Variants in NFKBIL1 observed in about 807,000 individuals in gnomAD.
NFKBIL1 encodes the protein NF-kappa-B inhibitor-like protein 1.
In NFKBIL1, 30 loss-of-function variants were observed where a neutral mutation model predicts 45.4. That is an observed-to-expected ratio of 0.66 (90% CI 0.49 to 0.90). NFKBIL1 has a LOEUF of 0.90. Ranked by LOEUF, NFKBIL1 falls within the 40% of genes least tolerant of loss-of-function variation. The pLI is 0.00. For synonymous variants in NFKBIL1, 179 were observed against 197.3 expected, an observed-to-expected ratio of 0.91 and a Z score of 0.78; for missense variants, 434 against 513.4, an observed-to-expected ratio of 0.85 and a Z score of 1.49.
chr6:31,548,379 GC>G lies in NFKBIL1; in HGVS notation c.277del (p.His93ThrfsTer29). The G allele has an allele frequency of 6.4e-7, 1 of 1,566,682 alleles. No individual in the cohort carries two copies. On this transcript the variant is annotated frameshift_variant, in exon 2 of 4. Coordinates refer to ENST00000376148, the MANE Select transcript of NFKBIL1 (RefSeq NM_005007.4). LOFTEE classifies it high-confidence loss of function. Reference sequence around the variant, plus strand: ...GCTGCTTCGGCTCGGGGCTGACCCTGCCCACCAGGACCGCCATGGGGACACG... The same window carrying G: ...GCTGCTTCGGCTCGGGGCTGACCCTGCCACCAGGACCGCCATGGGGACACG... ...CLLLRLGADPAHQDRHGDTAL... is the reference protein window; with the variant it reads ...CLLLRLGADPXHQDRHGDTAL...
At position 31,558,003 on chromosome 6, in the gene NFKBIL1, AT is replaced by A; in HGVS notation, c.557-18del. On this transcript the variant is annotated intron_variant, in intron 3 of 3. Coordinates refer to ENST00000376148, the MANE Select transcript of NFKBIL1 (RefSeq NM_005007.4). This position sits in a 1 kb window ranked among gnomAD's most constrained non-coding sequence, Gnocchi z 7.2. ...TCACAGCCTCTCTCCAACTACCCCC[AT>A]CCCACCCTCCCAAACAGGTGATGCC... is the stretch of plus-strand genomic sequence containing the variant. 1 of 551,454 alleles carries A rather than the reference AT, an allele frequency of 1.8e-6. No individual in the cohort carries two copies. Among genetic ancestry groups the A allele is most frequent in the Non-Finnish European group, 3.2e-6 (1 of 315,742 alleles). 34.2% of individuals were successfully genotyped at this position (551,454 alleles called of 1,614,324 possible). A position where few individuals can be genotyped will look rare whatever the true frequency, so the allele number is the denominator to read the frequency against.
chr6:31,557,739 A>G lies in NFKBIL1; in HGVS notation c.446A>G (p.Asp149Gly). Residue 149 changes from aspartate (D) to glycine (G), a missense_variant, in exon 3 of 4, where the codon GAT (aspartate) becomes GGT (glycine). Asp to Gly is a moderately conservative substitution (Grantham distance 94). This residue lies in a region of NFKBIL1 where 231 missense variants were observed against 264.1 expected (regional missense o/e 0.87). Transcript: ENST00000376148. The surrounding 1 kb of genome is among the most constrained non-coding windows in gnomAD (Gnocchi z 5.4). ...GQILGWGPPW[D>G]SAEEEEEDDA... ...ATTTTGGGCTGGGGACCCCCCTGGG[A>G]TTCTGCTGAAGAGGAGGAAGAAGAT... 1 of 1,611,830 alleles carries G rather than the reference A, an allele frequency of 6.2e-7. No individual in the cohort carries two copies. Among genetic ancestry groups the G allele is most frequent in the Non-Finnish European group, 8.5e-7 (1 of 1,178,710 alleles).
chr6:31,549,482 C>T (rs1582997855), intron 2 of NFKBIL1, among the ~76,000 whole-genome samples: 1 of 149,386 alleles, frequency 6.7e-6, no homozygotes, highest in East Asian at 2.0e-4. Flanking sequence ...GAATGCCTGA[C>T]CTCAGGTGAT....
rs1357011040 is a variant in NFKBIL1 at position 31,548,243 on chromosome 6, G to T, written c.138G>T (p.Leu46=). The part of the protein sequence containing the change: ...RFRRYLSAGR[L]VRAQALLQRH... ...GTCGTTACTTGTCTGCAGGACGGCT[G>T]GTCCGGGCCCAGGCCCTCCTCCAGC... Residue 46 remains leucine, a synonymous_variant, in exon 2 of 4, where the codon CTG becomes CTT. Transcript: ENST00000376148. The T allele has an allele frequency of 6.2e-7, 1 of 1,613,120 alleles. No homozygotes were observed. Among genetic ancestry groups the T allele is most frequent in the South Asian group, 1.1e-5 (1 of 91,086 alleles).
intron 2 of NFKBIL1, 148 bp downstream of exon 2, chr6:31,548,587 C>G (rs1279879731): frequency 3.6e-6 from 3 of 833,586 alleles, no homozygotes; most frequent in Non-Finnish European, 3.4e-6. Flanking sequence ...GTCATTTGTC[C>G]CTTTACATTA....
intron 2 of NFKBIL1, among the ~76,000 whole-genome samples, chr6:31,552,686 T>A (rs79805993): frequency 7.2e-5 from 2 of 27,898 alleles, no homozygotes; most frequent in Non-Finnish European, 1.4e-4. Context: ...GCGGCATTTC[T>A]TTTTTTTTTT....
chr6:31,554,471 AAC>A (rs1184543972), intron 2 of NFKBIL1, among the ~76,000 whole-genome samples: 14 of 152,306 alleles, frequency 9.2e-5, no homozygotes, highest in African/African-American at 3.4e-4. Flanking sequence ...CAATATGTAT[AAC>A]ACATACAGTA....
chr6:31,556,715 A>G, intron 2 of NFKBIL1: 1 of 457,226 alleles, frequency 2.2e-6, no homozygotes, highest in South Asian at 1.5e-5. Context: ...TCATTTGGAA[A>G]GAGCTTGCTC....
chr6:31,550,981 C>T (rs1315469851), intron 2 of NFKBIL1, among the ~76,000 whole-genome samples: 2 of 152,190 alleles, frequency 1.3e-5, no homozygotes, highest in Non-Finnish European at 2.9e-5. Flanking sequence ...CCACCGCGCT[C>T]AGCCAAAATG....
rs1214353899 is a variant in NFKBIL1, at chr6:31,558,497, C to T, written c.1032C>T (p.Asp344=). The T allele has an allele frequency of 6.4e-7, 1 of 1,554,286 alleles. No individual in the cohort carries two copies. Among genetic ancestry groups the T allele is most frequent in the Non-Finnish European group, 8.7e-7 (1 of 1,148,694 alleles). The change falls in exon 4 of 4, where the codon GAC becomes GAT. Residue 344 remains aspartate (D), a synonymous_variant. Transcript: ENST00000376148. This position sits in a 1 kb window ranked among gnomAD's most constrained non-coding sequence, Gnocchi z 7.2. ...TCCAGCAGGTCCGCTGGCACCCTGA[C>T]CGCTTCCTGCAGCGATTCCGAAGCC... The part of the protein sequence containing the change: ...LRVQQVRWHP[D]RFLQRFRSQI...
At chr6:31,552,744 G>T (rs111482219) in intron 2 of NFKBIL1, among the ~76,000 whole-genome samples, 15,185 of 116,152 alleles carry the variant, frequency 0.13, 931 homozygotes, top group Middle Eastern at 0.23. Flanking sequence ...TCATTCTGTC[G>T]CCCAAGCTGG....
Position 31,558,708 on chromosome 6 carries a change from T to C in NFKBIL1, c.*97T>C, listed in dbSNP as rs200796289. ...ATGGGGACCACAAGGAAGAGCCAGG[T>C]GCTGCTCAGCAGAGGATATGGGTGG... On this transcript the variant is annotated 3_prime_UTR_variant, in exon 4 of 4. Coordinates refer to ENST00000376148, the MANE Select transcript of NFKBIL1 (RefSeq NM_005007.4). The surrounding 1 kb of genome is among the most constrained non-coding windows in gnomAD (Gnocchi z 7.2). 179 of 1,135,750 alleles carry C rather than the reference T, an allele frequency of 1.6e-4. 1 individual carries two copies. Among genetic ancestry groups the C allele is most frequent in the Non-Finnish European group, 1.2e-4 (97 of 814,144 alleles). The allele number at this position is 1,135,750 out of a possible 1,614,324, so 70.4% of individuals were successfully genotyped here.
In NFKBIL1 at chr6:31,557,533, C is replaced by G; in HGVS notation, c.335-95C>G. On this transcript the variant is annotated intron_variant, in intron 2 of 3. Coordinates refer to ENST00000376148, the MANE Select transcript of NFKBIL1 (RefSeq NM_005007.4). This position sits in a 1 kb window ranked among gnomAD's most constrained non-coding sequence, Gnocchi z 5.4. ...GAGCCACCCTTCCATTGCTTTAAGA[C>G]CAAGGGAGCGAGTGACCAGCAGGAT... 9.9e-7 allele frequency: 1 copy of G among 1,005,052 alleles called. No individual in the cohort carries two copies. The highest frequency in any genetic ancestry group is 2.0e-5 in the South Asian group (1 of 49,602). 62.3% of individuals were successfully genotyped at this position (1,005,052 alleles called of 1,614,324 possible).
At position 31,558,183 on chromosome 6, in the gene NFKBIL1, G is replaced by A. The variant is rs778678826; in HGVS notation, c.718G>A (p.Glu240Lys). The change falls in exon 4 of 4, where the codon GAG (glutamate) becomes AAG (lysine). Residue 240 changes from glutamate (E) to lysine (K), a missense_variant. Physicochemically the swap from Glu to Lys is moderately conservative, Grantham distance 56 (BLOSUM62 1). This residue lies in a region of NFKBIL1 where 128 missense variants were observed against 106.5 expected (regional missense o/e 1.20). Coordinates refer to ENST00000376148, the MANE Select transcript of NFKBIL1 (RefSeq NM_005007.4). This position sits in a 1 kb window ranked among gnomAD's most constrained non-coding sequence, Gnocchi z 7.2. ...CTCCAGCCAGAGCTGGCGACAGCAG[G>A]AGGAGGAGCAGCGGCTCTTCAGGGA... ...EGSSQSWRQQ[E>K]EEQRLFRERA... 3 of 1,609,262 alleles carry A rather than the reference G, an allele frequency of 1.9e-6. No homozygotes were observed. The highest frequency in any genetic ancestry group is 1.7e-6 in the Non-Finnish European group (2 of 1,178,438).
chr6:31,555,949 G>A (rs1227771462), intron 2 of NFKBIL1, among the ~76,000 whole-genome samples: 5 of 150,530 alleles, frequency 3.3e-5, no homozygotes, highest in African/African-American at 7.3e-5. Flanking sequence ...GTGAGCCACC[G>A]TGCCTGGCCA....
In NFKBIL1 at chr6:31,558,574, C is replaced by G; in HGVS notation, c.1109C>G (p.Ser370Cys). Residue 370 changes from serine to cysteine, a missense_variant, in exon 4 of 4, where the codon TCT becomes TGT. By Grantham distance (112) the Ser-to-Cys change is moderately radical. This residue lies in a region of NFKBIL1 where 52 missense variants were observed against 95.9 expected (regional missense o/e 0.54). Transcript: ENST00000376148. This position sits in a 1 kb window ranked among gnomAD's most constrained non-coding sequence, Gnocchi z 7.2. ...GTGATGGGAGCAGTGACAGCCCTTT[C>G]TCAGGCCCTGAATCGCCATGCAGAG... ...GRVMGAVTAL[S>C]QALNRHAEAL... The G allele has an allele frequency of 6.4e-7, 1 of 1,561,932 alleles. No homozygotes were observed. The highest frequency in any genetic ancestry group is 8.7e-7 in the Non-Finnish European group (1 of 1,152,750).
chr6:31,547,484 GA>G, upstream of NFKBIL1: 1 of 416,034 alleles, frequency 2.4e-6, no homozygotes, highest in Non-Finnish European at 4.3e-6. Context: ...TTTCCCCTGG[GA>G]GATCTGGCCA....
intron 2 of NFKBIL1, among the ~76,000 whole-genome samples, chr6:31,555,609 CTTTTTTTTTTT>C (rs772749122): frequency 1.5e-3 from 109 of 72,286 alleles, no homozygotes; most frequent in African/African-American, 5.5e-3. Context: ...CTCTCTCTCT[CTTTTTTTTTTT>C]TTTTTTTTTT....
chr6:31,558,602 C>A lies in NFKBIL1; in HGVS notation c.1137C>A (p.Ala379=). ...AGGCCCTGAATCGCCATGCAGAGGC[C>A]CTCAAGTGACCCTAGGGAAGAAGCA... ...LSQALNRHAE[A]LK The change falls in exon 4 of 4, where the codon GCC becomes GCA. Residue 379 remains alanine, a synonymous_variant. Coordinates refer to ENST00000376148, the MANE Select transcript of NFKBIL1 (RefSeq NM_005007.4). The surrounding 1 kb of genome is among the most constrained non-coding windows in gnomAD (Gnocchi z 7.2). The A allele has an allele frequency of 6.5e-7, 1 of 1,549,618 alleles. No homozygotes were observed. Among genetic ancestry groups the A allele is most frequent in the Non-Finnish European group, 8.7e-7 (1 of 1,145,178 alleles).
Sources: allele counts gnomAD v4.1 joint callset (sites outside exome capture counted in the v4.1 genomes callset), GRCh38; gene constraint gnomAD v4.1.1; regional missense constraint gnomAD v4.1.1; non-coding constraint Gnocchi (gnomAD v3.1); transcripts MANE v1.5; gene names NCBI Gene and HGNC (gene_info 2026-07-23, HGNC 2026-07-21).